SPOCK1: variants seen among roughly 807,000 people sequenced by gnomAD.
SPOCK1 encodes the protein SPARC (osteonectin), cwcv and kazal like domains proteoglycan 1.
SPOCK1 carries 23 observed loss-of-function variants against 55.3 expected under a neutral mutation model. That is an observed-to-expected ratio of 0.42 (90% confidence interval 0.30 to 0.59). SPOCK1 has a LOEUF of 0.59. Among genes scored for constraint, SPOCK1 ranks in the 20% least tolerant of loss-of-function variants. SPOCK1 has a pLI of 0.22. For missense variants in SPOCK1, 499 were observed against 552.5 expected (o/e 0.90, Z 0.97); for synonymous variants, 226 against 221.0 (o/e 1.02, Z -0.20).
At chr5:137,430,452 T>C (rs1355102164) in intron 2 of SPOCK1, among the ~76,000 whole-genome samples, 1 of 152,150 alleles carries the variant, frequency 6.6e-6, no homozygotes, top group Non-Finnish European at 1.5e-5. Flanking sequence ...TAATCACCTA[T>C]TTATTTTGCC....
intron 2 of SPOCK1, among the ~76,000 whole-genome samples, chr5:137,398,626 C>T (rs771785593): frequency 9.9e-5 from 15 of 152,092 alleles, no homozygotes; most frequent in Non-Finnish European, 2.1e-4. Flanking sequence ...GCAGGAGACA[C>T]CCAGAGACCA....
At chr5:137,448,560 G>A (rs1403160116) in intron 2 of SPOCK1, among the ~76,000 whole-genome samples, 1 of 152,176 alleles carries the variant, frequency 6.6e-6, no homozygotes, top group Non-Finnish European at 1.5e-5. Context: ...TTTTCATTAG[G>A]TATAGCCACT....
At chr5:137,202,810 T>G (rs535944420) in intron 3 of SPOCK1, among the ~76,000 whole-genome samples, 1 of 152,246 alleles carries the variant, frequency 6.6e-6, no homozygotes, top group Admixed American at 6.5e-5. Flanking sequence ...AGAAGAGTTC[T>G]TCTATAAATA....
intron 2 of SPOCK1, among the ~76,000 whole-genome samples, chr5:137,356,798 A>AATATATATATATATATAT (rs1191051173): frequency 2.9e-4 from 4 of 13,732 alleles, no homozygotes; most frequent in African/African-American, 1.1e-3. Flanking sequence ...CAAAAAAAAT[A>AATATATATATATATATAT]ATATATATAT....
chr5:137,243,163 T>C (rs955610341), intron 3 of SPOCK1, among the ~76,000 whole-genome samples: 2 of 152,222 alleles, frequency 1.3e-5, no homozygotes, highest in Non-Finnish European at 2.9e-5. Context: ...TTGTCCCACC[T>C]ACAACTGAGC....
intron 3 of SPOCK1, among the ~76,000 whole-genome samples, chr5:137,213,068 T>C (rs1755648624): frequency 6.6e-6 from 1 of 152,106 alleles, no homozygotes; most frequent in Non-Finnish European, 1.5e-5. Context: ...GAAAGCCCAA[T>C]GCAGCAGCTG....
chr5:137,046,361 A>G (rs1329207625), intron 6 of SPOCK1, among the ~76,000 whole-genome samples: 7 of 148,520 alleles, frequency 4.7e-5, no homozygotes, highest in African/African-American at 1.5e-4. Context: ...GGTCCTTCAC[A>G]TCCCTTGTAA....
At chr5:137,322,337 A>AG (rs773236634) in intron 2 of SPOCK1, among the ~76,000 whole-genome samples, 16 of 125,544 alleles carry the variant, frequency 1.3e-4, no homozygotes, top group African/African-American at 4.6e-4. Context: ...TGTCTCAAGG[A>AG]AAAAAAAAAA....
In SPOCK1 at chr5:137,177,804, G is replaced by A. The variant is rs1754886412; in HGVS notation, c.233-37110C>T. 1.3e-5 allele frequency among the ~76,000 whole-genome samples: 2 copies of A among 151,954 alleles called. 1 individual carries two copies. Among genetic ancestry groups the A allele is most frequent in the Non-Finnish European group, 2.9e-5 (2 of 67,994 alleles). Reference sequence around the variant, plus strand: ...CAGTCGAGAGAAATGAGGAGTGGGAGGGAAAGGAGATCTCTAGGGGAGAGG... The same window carrying A: ...CAGTCGAGAGAAATGAGGAGTGGGAAGGAAAGGAGATCTCTAGGGGAGAGG... On this transcript the variant is annotated intron_variant, in intron 3 of 10. Transcript: ENST00000394945.
intron 6 of SPOCK1, among the ~76,000 whole-genome samples, chr5:137,040,172 C>T (rs1580720609): frequency 1.3e-5 from 2 of 152,340 alleles, no homozygotes; most frequent in East Asian, 3.9e-4. Context: ...GAGCCTGGAG[C>T]AAAAGGACCA....
chr5:137,139,973 T>C (rs1754061845), intron 4 of SPOCK1, among the ~76,000 whole-genome samples: 1 of 152,090 alleles, frequency 6.6e-6, no homozygotes, highest in Non-Finnish European at 1.5e-5. Flanking sequence ...AGCAATGGCT[T>C]TAAGGACCCT....
At chr5:137,282,203 A>T (rs1197578633) in intron 2 of SPOCK1, among the ~76,000 whole-genome samples, 2 of 152,258 alleles carry the variant, frequency 1.3e-5, no homozygotes, top group African/African-American at 4.8e-5. Flanking sequence ...ACAGAGTTTT[A>T]AAAATATACC....
chr5:137,095,129 G>A (rs538957449), intron 5 of SPOCK1, among the ~76,000 whole-genome samples: 1 of 152,206 alleles, frequency 6.6e-6, no homozygotes, highest in South Asian at 2.1e-4. Flanking sequence ...TCTTATGTTG[G>A]AGTGGTTTAT....
At chr5:137,021,953 TG>T (rs1409679893) in intron 6 of SPOCK1, among the ~76,000 whole-genome samples, 1 of 152,196 alleles carries the variant, frequency 6.6e-6, no homozygotes, top group Non-Finnish European at 1.5e-5. Flanking sequence ...AACAAATTTT[TG>T]GAAAAAAACT....
intron 2 of SPOCK1, among the ~76,000 whole-genome samples, chr5:137,361,355 G>GA (rs1343603670): frequency 1.3e-5 from 2 of 152,174 alleles, no homozygotes; most frequent in African/African-American, 4.8e-5. Flanking sequence ...TCTGTAATGG[G>GA]AGAGATAAGG....
chr5:137,416,891 T>G (rs764338391), intron 2 of SPOCK1, among the ~76,000 whole-genome samples: 3 of 152,304 alleles, frequency 2.0e-5, no homozygotes, highest in African/African-American at 7.2e-5. Flanking sequence ...TGGCCACTTA[T>G]AGATGTCTTT....
At chr5:137,438,125 T>C (rs1752903309) in intron 2 of SPOCK1, among the ~76,000 whole-genome samples, 1 of 152,020 alleles carries the variant, frequency 6.6e-6, no homozygotes, top group Non-Finnish European at 1.5e-5. Context: ...CATTATGAGC[T>C]TTTTTAAAGA....
intron 3 of SPOCK1, among the ~76,000 whole-genome samples, chr5:137,189,957 G>A (rs1248142568): frequency 6.6e-6 from 1 of 151,840 alleles, no homozygotes; most frequent in East Asian, 1.9e-4. Flanking sequence ...AACTACAGAT[G>A]TGGAGGAAAT....
chr5:137,113,236 T>C (rs1201838464), intron 4 of SPOCK1, among the ~76,000 whole-genome samples: 1 of 152,192 alleles, frequency 6.6e-6, no homozygotes, highest in Admixed American at 6.5e-5. Flanking sequence ...AATGTCGCTA[T>C]TAGGATGACT....
Sources: allele counts gnomAD v4.1 joint callset (sites outside exome capture counted in the v4.1 genomes callset), GRCh38; gene constraint gnomAD v4.1.1; transcripts MANE v1.5; gene names NCBI Gene and HGNC (gene_info 2026-07-23, HGNC 2026-07-21).